QRSL1: variants seen among roughly 807,000 people sequenced by gnomAD.
QRSL1 encodes the protein glutaminyl-tRNA amidotransferase subunit QRSL1.
QRSL1 carries 54 observed loss-of-function variants against 61.6 expected under a neutral mutation model. The observed-to-expected ratio is 0.88, with a 90% CI of 0.70 to 1.10. The LOEUF (loss-of-function observed/expected upper bound fraction) is 1.10, where lower values mean the gene tolerates loss of function less well. QRSL1 is among the 50% of genes least tolerant of loss of function. The probability of loss-of-function intolerance (pLI) is 0.00; values close to 1 mark genes in which losing one functional copy is unlikely to be tolerated. For synonymous variants in QRSL1, 228 were observed against 225.7 expected (o/e 1.01, Z -0.09); for missense variants, 505 against 622.6 (o/e 0.81, Z 2.01).
At chr6:106,642,048 G>A (rs573702239) in intron 3 of QRSL1, among the ~76,000 whole-genome samples, 11 of 152,142 alleles carry the variant, frequency 7.2e-5, no homozygotes, top group Admixed American at 3.3e-4. Flanking sequence ...TTGATTTTTT[G>A]TTTTTTGTTT....
intron 10 of QRSL1, among the ~76,000 whole-genome samples, chr6:106,663,610 G>C (rs1401573007): frequency 1.3e-5 from 2 of 152,178 alleles, no homozygotes; most frequent in Non-Finnish European, 2.9e-5. Context: ...CACGAGAACA[G>C]CACCAAGGGG....
At chr6:106,659,010 A>T (rs1008856368) in intron 9 of QRSL1, among the ~76,000 whole-genome samples, 17 of 151,476 alleles carry the variant, frequency 1.1e-4, no homozygotes, top group African/African-American at 4.1e-4. Context: ...GCTAGTTTCC[A>T]TTACTGTTTT....
At chr6:106,631,672 A>AT (rs56866755) in intron 1 of QRSL1, among the ~76,000 whole-genome samples, 2 of 151,948 alleles carry the variant, frequency 1.3e-5, no homozygotes, top group South Asian at 2.1e-4. Context: ...TTAAAAAAAA[A>AT]TTTTAATGGG....
intron 1 of QRSL1, among the ~76,000 whole-genome samples, chr6:106,636,348 G>T (rs1208288301): frequency 6.9e-6 from 1 of 145,448 alleles, no homozygotes; most frequent in African/African-American, 2.6e-5. Flanking sequence ...TTAAGACGGA[G>T]TCTCGCTCTG....
chr6:106,665,645 G>C (rs1431950065), intron 10 of QRSL1, 137 bp from the exon 11 acceptor site: 1 of 729,676 alleles, frequency 1.4e-6, no homozygotes, highest in African/African-American at 1.8e-5. Flanking sequence ...TAGTACAAAA[G>C]CATTATATAG....
intron 1 of QRSL1, among the ~76,000 whole-genome samples, chr6:106,636,575 T>C (rs567561142): frequency 5.9e-5 from 9 of 152,290 alleles, no homozygotes; most frequent in African/African-American, 1.4e-4. Context: ...CGCCTTGGCC[T>C]CCCAAAGTGC....
In QRSL1 at chr6:106,667,814, G is replaced by A. The variant is rs1208190385; in HGVS notation, c.*1812G>A. The stretch of plus-strand genomic sequence containing the variant: ...AAATTGCATTACTTTATAGCAAGAG[G>A]AAACCGTTTTAAGTTTTTTAATTGC... On this transcript the variant is annotated 3_prime_UTR_variant, in exon 11 of 11. Coordinates refer to ENST00000369046, the MANE Select transcript of QRSL1 (RefSeq NM_018292.5). 2 of 152,028 alleles carry A rather than the reference G, an allele frequency of 1.3e-5. No homozygotes were observed. Among genetic ancestry groups the A allele is most frequent in the African/African-American group, 4.8e-5 (2 of 41,380 alleles). The allele number at this position is 152,028 out of a possible 1,614,324, so 9.4% of individuals were successfully genotyped here. A position where few individuals can be genotyped will look rare whatever the true frequency, so the allele number is the denominator to read the frequency against.
At chr6:106,648,756 A>G (rs1777151617) in intron 4 of QRSL1, among the ~76,000 whole-genome samples, 2 of 152,214 alleles carry the variant, frequency 1.3e-5, no homozygotes, top group Admixed American at 1.3e-4. Flanking sequence ...AATCATCTTC[A>G]GTTGAATTGG....
At chr6:106,637,898 T>G (rs926015642) in intron 1 of QRSL1, among the ~76,000 whole-genome samples, 1 of 152,216 alleles carries the variant, frequency 6.6e-6, no homozygotes, top group African/African-American at 2.4e-5. Flanking sequence ...TGATTTTTTT[T>G]CTCAAATCTA....
chr6:106,643,648 C>G (rs576434051), intron 4 of QRSL1, among the ~76,000 whole-genome samples: 1 of 151,192 alleles, frequency 6.6e-6, no homozygotes, highest in African/African-American at 2.4e-5. Flanking sequence ...CCATTGCACT[C>G]CAGCCTGGGC....
In QRSL1 at chr6:106,649,241, A is replaced by C. The variant is rs201226671; in HGVS notation, c.557+40A>C. The C allele has an allele frequency of 6.4e-5, 101 of 1,569,200 alleles. No homozygotes were observed. In the African/African-American group the frequency reaches 1.2e-3, roughly 19 times the overall value. ...TCTATCTGTATTTTAAAACCCACCC[A>C]AATACAAACAGTCATAAACTGTATC... On this transcript the variant is annotated intron_variant, in intron 5 of 10. Coordinates refer to ENST00000369046, the MANE Select transcript of QRSL1 (RefSeq NM_018292.5).
Position 106,657,769 on chromosome 6 carries a change from G to A in QRSL1, c.1160+2037G>A, listed in dbSNP as rs141722152. On this transcript the variant is annotated intron_variant, in intron 9 of 10. Transcript: ENST00000369046. ...CACCCAGGCTGGAGTGCAATGGCAC[G>A]ATCTCAGCTCACTGCAACCCTGCCT... is the stretch of plus-strand genomic sequence containing the variant. Among the ~76,000 whole-genome samples, 417 of 152,146 alleles carry A rather than the reference G, an allele frequency of 2.7e-3. 5 individuals are homozygous for A. The highest frequency in any genetic ancestry group is 0.013 in the South Asian group (65 of 4,824).
chr6:106,644,606 C>T (rs990853508), intron 4 of QRSL1, among the ~76,000 whole-genome samples: 6 of 152,094 alleles, frequency 3.9e-5, no homozygotes, highest in Admixed American at 6.6e-5. Flanking sequence ...CTACAACCTC[C>T]GCCTCCCAGG....
chr6:106,660,208 CT>C (rs934895100), intron 9 of QRSL1, among the ~76,000 whole-genome samples: 3 of 151,804 alleles, frequency 2.0e-5, no homozygotes, highest in East Asian at 1.9e-4. Flanking sequence ...CTTTTCTTTT[CT>C]TTTTTTGGAG....
chr6:106,640,655 A>G (rs1196932955), intron 2 of QRSL1, 147 bp downstream of exon 2: 7 of 961,730 alleles, frequency 7.3e-6, no homozygotes, highest in Admixed American at 5.6e-5. Context: ...AATGAGGGTA[A>G]TGGCTATGTG....
rs1370702283 is a variant in QRSL1 at position 106,642,715 on chromosome 6, T to C, written c.284-279T>C. The C allele has an allele frequency of 8.0e-6, 6 of 749,772 alleles. No homozygotes were observed. The African/African-American group carries it at 1.0e-4, about 13-fold the overall frequency. 46.4% of individuals were successfully genotyped at this position (749,772 alleles called of 1,614,324 possible). On this transcript the variant is annotated intron_variant, in intron 3 of 10. Transcript: ENST00000369046. ...GCAAGATTCTTGCCAAGAGAATGAATGTGCATATTGAGCACAGTAAGTACT... is the reference window on the plus strand; with the variant it reads ...GCAAGATTCTTGCCAAGAGAATGAACGTGCATATTGAGCACAGTAAGTACT...
chr6:106,643,788 C>T (rs896074265), intron 4 of QRSL1, among the ~76,000 whole-genome samples: 5 of 151,404 alleles, frequency 3.3e-5, no homozygotes, highest in African/African-American at 9.7e-5. Flanking sequence ...TCTTTTTATT[C>T]TCTGAACATG....
chr6:106,639,460 G>T (rs1301353004), intron 1 of QRSL1, among the ~76,000 whole-genome samples: 1 of 152,080 alleles, frequency 6.6e-6, no homozygotes, highest in African/African-American at 2.4e-5. Context: ...AAGTAATAAT[G>T]CATGTAAAGC....
At chr6:106,653,633 G>A (rs1777219368) in intron 7 of QRSL1, 1 of 152,024 alleles carries the variant, frequency 6.6e-6, no homozygotes, top group Admixed American at 6.6e-5. Flanking sequence ...GACCAGCCTG[G>A]GCAACATACA....
Sources: gnomAD v4.1 joint callset for allele counts (sites outside exome capture counted in the v4.1 genomes callset) on GRCh38, gnomAD v4.1.1 for gene constraint, MANE v1.5 for transcripts, NCBI Gene and HGNC (gene_info 2026-07-23, HGNC 2026-07-21) for gene names.